MINDY3: variants seen among roughly 807,000 people sequenced by gnomAD.
MINDY3 encodes ubiquitin carboxyl-terminal hydrolase MINDY-3.
Under a neutral mutation model 69.2 loss-of-function variants are expected in MINDY3, and 38 were observed. That is an observed-to-expected ratio of 0.55 (90% CI 0.42 to 0.72). The LOEUF is 0.72. MINDY3 is among the 30% of genes least tolerant of loss of function. The probability of loss-of-function intolerance (pLI) is 0.00; values close to 1 mark genes in which losing one functional copy is unlikely to be tolerated. For missense variants in MINDY3, 522 were observed against 519.0 expected (o/e 1.01, Z -0.06); for synonymous variants, 192 against 180.1 (o/e 1.07, Z -0.53).
intron 1 of MINDY3, chr10:15,857,948 A>G (rs1834813276): frequency 2.0e-5 from 20 of 985,110 alleles, no homozygotes; most frequent in Non-Finnish European, 2.4e-5. Context: ...GCAGTTGTCA[A>G]CTGAAGACAC....
intron 8 of MINDY3, among the ~76,000 whole-genome samples, chr10:15,824,065 T>C (rs1839937674): frequency 6.6e-6 from 1 of 152,246 alleles, no homozygotes; most frequent in Non-Finnish European, 1.5e-5. Context: ...CTAGCTTTGC[T>C]ACTGTGAATG....
intron 8 of MINDY3, among the ~76,000 whole-genome samples, chr10:15,832,975 C>T (rs1404031644): frequency 6.6e-6 from 1 of 152,158 alleles, no homozygotes; most frequent in African/African-American, 2.4e-5. Context: ...ACTGTGGTTA[C>T]TTAATGTAAG....
chr10:15,825,199 T>C (rs1308084838), intron 8 of MINDY3, among the ~76,000 whole-genome samples: 1 of 152,186 alleles, frequency 6.6e-6, no homozygotes, highest in African/African-American at 2.4e-5. Flanking sequence ...TACAGCATTT[T>C]GGATTTCAGA....
At chr10:15,824,261 C>A (rs1392950325) in intron 8 of MINDY3, among the ~76,000 whole-genome samples, 1 of 152,154 alleles carries the variant, frequency 6.6e-6, no homozygotes, top group African/African-American at 2.4e-5. Context: ...TATAGGAGTT[C>A]TCTTTTCTCT....
intron 2 of MINDY3, among the ~76,000 whole-genome samples, chr10:15,846,566 T>G (rs1417399200): frequency 6.6e-6 from 1 of 152,050 alleles, no homozygotes; most frequent in East Asian, 1.9e-4. Context: ...AAAAGTCAAC[T>G]TAAAAAAATA....
chr10:15,839,498 C>T (rs192599260), intron 4 of MINDY3, among the ~76,000 whole-genome samples: 3 of 151,596 alleles, frequency 2.0e-5, no homozygotes, highest in Non-Finnish European at 4.4e-5. Flanking sequence ...TAATCTTTTC[C>T]AAATTATACT....
intron 2 of MINDY3, among the ~76,000 whole-genome samples, chr10:15,845,206 T>C (rs1454929765): frequency 1.3e-5 from 2 of 151,220 alleles, no homozygotes; most frequent in African/African-American, 4.8e-5. Flanking sequence ...ACAAGTCATA[T>C]TGATGGGATT....
intron 10 of MINDY3, among the ~76,000 whole-genome samples, chr10:15,809,791 G>C (rs1019036459): frequency 6.6e-6 from 1 of 152,016 alleles, no homozygotes; most frequent in African/African-American, 2.4e-5. Context: ...CTCACAACCA[G>C]ACTCCTTAGG....
chr10:15,787,014 A>C (rs2131840713), intron 12 of MINDY3, among the ~76,000 whole-genome samples: 1 of 152,298 alleles, frequency 6.6e-6, no homozygotes, highest in South Asian at 2.1e-4. Flanking sequence ...TTTAACTAAC[A>C]AAATGTTTTT....
At chr10:15,786,115 A>G (rs1009593385) in intron 13 of MINDY3, among the ~76,000 whole-genome samples, 1 of 152,148 alleles carries the variant, frequency 6.6e-6, no homozygotes, top group African/African-American at 2.4e-5. Context: ...AGTGGAAGAC[A>G]TGTCCCAATG....
intron 14 of MINDY3, among the ~76,000 whole-genome samples, chr10:15,780,619 GTC>G (rs1836452212): frequency 6.6e-6 from 1 of 152,138 alleles, no homozygotes; most frequent in African/African-American, 2.4e-5. Context: ...TTCTCCTTTT[GTC>G]TGTTTCCTTT....
chr10:15,808,014 G>A (rs1193852277), intron 10 of MINDY3, among the ~76,000 whole-genome samples: 1 of 152,170 alleles, frequency 6.6e-6, no homozygotes, highest in Non-Finnish European at 1.5e-5. Context: ...ATGGGGGACA[G>A]CCCCAAATTG....
chr10:15,837,311 A>C lies in MINDY3; in HGVS notation c.469T>G (p.Ser157Ala). 1 of 1,590,848 alleles carries C rather than the reference A, an allele frequency of 6.3e-7. No homozygotes were observed. The highest frequency in any genetic ancestry group is 1.4e-5 in the African/African-American group (1 of 73,778). ...TTTAATTCTGGTAAACTTCTGAACG[A>C]TCTTTTTCTGGGGGAAAAAAAGAAT... is the stretch of plus-strand genomic sequence containing the variant. ...ERFHALIQKR[S>A]FRSLPELKDA... Residue 157 changes from serine (S) to alanine (A), a missense_variant, in exon 6 of 15, where the codon TCG becomes GCG. Transcript: ENST00000277632.
chr10:15,813,344 T>C lies in MINDY3; in HGVS notation c.882+3491A>G, dbSNP rs149057648. Among the ~76,000 whole-genome samples, 368 of 152,312 alleles carry C rather than the reference T, an allele frequency of 2.4e-3. 3 individuals carry two copies. The highest frequency in any genetic ancestry group is 7.5e-3 in the African/African-American group (312 of 41,572). On this transcript the variant is annotated intron_variant, in intron 10 of 14. Transcript: ENST00000277632. ...TTTCTTCAGGCATGAATTTGCTCTA[T>C]TTGTCATGTAGAGAATGCTCTTTCC...
intron 7 of MINDY3, among the ~76,000 whole-genome samples, chr10:15,834,240 A>T (rs890603893): frequency 6.6e-5 from 10 of 152,050 alleles, no homozygotes. Flanking sequence ...AGATATACTT[A>T]TTTCTAAGTC....
intron 3 of MINDY3, among the ~76,000 whole-genome samples, chr10:15,842,167 C>T (rs889324080): frequency 1.3e-5 from 2 of 151,758 alleles, no homozygotes; most frequent in African/African-American, 4.8e-5. Flanking sequence ...AATGCTCAGA[C>T]CATCTCTTTA....
At chr10:15,851,192 T>C (rs1834263710) in intron 1 of MINDY3, among the ~76,000 whole-genome samples, 1 of 152,204 alleles carries the variant, frequency 6.6e-6, no homozygotes, top group South Asian at 2.1e-4. Context: ...AGTGCTAATG[T>C]TCCCCAGGTC....
intron 6 of MINDY3, among the ~76,000 whole-genome samples, chr10:15,834,968 A>G (rs1333570882): frequency 7.1e-6 from 1 of 141,120 alleles, no homozygotes; most frequent in Non-Finnish European, 1.5e-5. Flanking sequence ...CTGTTAAGGC[A>G]ACTGATTTTT....
rs754476975 is a variant in MINDY3 at position 15,796,207 on chromosome 10, C to G, written c.883-35G>C. Reference sequence around the variant, plus strand: ...TAAGAAGCATGTTGTCAACCAGCTACAGTATTATGACATTAAAAAGAAAAC... The same window carrying G: ...TAAGAAGCATGTTGTCAACCAGCTAGAGTATTATGACATTAAAAAGAAAAC... On this transcript the variant is annotated intron_variant, in intron 10 of 14. Transcript: ENST00000277632. 20 of 1,545,662 alleles carry G rather than the reference C, an allele frequency of 1.3e-5. No individual in the cohort carries two copies. The South Asian group carries it at 2.2e-4, about 17-fold the overall frequency.
Sources: allele counts gnomAD v4.1 joint callset (sites outside exome capture counted in the v4.1 genomes callset), GRCh38; gene constraint gnomAD v4.1.1; transcripts MANE v1.5; gene names NCBI Gene and HGNC (gene_info 2026-07-23, HGNC 2026-07-21).